Variants in PLEKHG5 observed in about 807,000 individuals in gnomAD.
PLEKHG5 encodes pleckstrin homology domain-containing family G member 5.
PLEKHG5 carries 52 observed loss-of-function variants against 103.8 expected under a neutral mutation model. The ratio of observed to expected loss-of-function variants is 0.50; its 90% CI spans 0.40 to 0.63. PLEKHG5 has a LOEUF of 0.63. Among genes scored for constraint, PLEKHG5 ranks in the 30% least tolerant of loss-of-function variants. The probability of loss-of-function intolerance (pLI) is 0.00; values close to 1 mark genes in which losing one functional copy is unlikely to be tolerated. For missense variants in PLEKHG5, 1,205 were observed against 1,347.6 expected (o/e 0.89, Z 1.66); for synonymous variants, 592 against 575.5 (o/e 1.03, Z -0.41).
At chr1:6,483,578 T>C (rs962808462) in intron 1 of PLEKHG5, among the ~76,000 whole-genome samples, 19 of 152,134 alleles carry the variant, frequency 1.2e-4, no homozygotes, top group African/African-American at 4.3e-4. Context: ...GGTGGGAAGA[T>C]TGCTGGAGCC....
rs957996115 is a variant in PLEKHG5, at chr1:6,490,327, A to C, written c.-88+1310T>G. The C allele has an allele frequency of 8.0e-5, 32 of 399,862 alleles. No homozygotes were observed. Among genetic ancestry groups the C allele is most frequent in the African/African-American group, 1.3e-4 (6 of 44,880 alleles). 24.8% of individuals were successfully genotyped at this position (399,862 alleles called of 1,614,324 possible). On this transcript the variant is annotated intron_variant, in intron 1 of 20. Coordinates refer to ENST00000377728, the MANE Select transcript of PLEKHG5 (RefSeq NM_020631.6). The surrounding 1 kb of genome is among the most constrained non-coding windows in gnomAD (Gnocchi z 8.0). The stretch of plus-strand genomic sequence containing the variant: ...GCTGGTGAGGACCCTGTACCCACCC[A>C]CAGGCCTGGCACTACGTGGGAATCT...
At chr1:6,497,153 T>C, upstream of PLEKHG5, 1 of 1,012,592 alleles carries the variant, frequency 9.9e-7, no homozygotes, top group Non-Finnish European at 1.5e-6. The surrounding 1 kb of genome is among the most constrained non-coding windows in gnomAD (Gnocchi z 6.1). Flanking sequence ...AGCGGGGTGC[T>C]GCCGAGGCAG....
intron 1 of PLEKHG5, among the ~76,000 whole-genome samples, chr1:6,509,439 G>A (rs933315768): frequency 9.9e-5 from 15 of 152,194 alleles, no homozygotes; most frequent in African/African-American, 3.6e-4. Context: ...AGTGAGGGAG[G>A]ACCCAAGCAG....
At chr1:6,471,226 T>C in intron 12 of PLEKHG5, 126 bp from the exon 13 acceptor site, 1 of 847,620 alleles carries the variant, frequency 1.2e-6, no homozygotes, top group South Asian at 1.4e-5. Flanking sequence ...GCAGCAAGCT[T>C]ATGATCCCTG....
intron 5 of PLEKHG5, 133 bp downstream of exon 5, chr1:6,474,914 C>G (rs1202730401): frequency 6.4e-6 from 5 of 776,752 alleles, no homozygotes; most frequent in Non-Finnish European, 1.2e-5. Context: ...ACGGGTCTGC[C>G]CACGCAGGGA....
intron 10 of PLEKHG5, 150 bp downstream of exon 10, chr1:6,472,377 C>A: frequency 1.5e-6 from 1 of 688,770 alleles, no homozygotes; most frequent in Non-Finnish European, 2.6e-6. Flanking sequence ...CTAGGAGGCA[C>A]CTCCTCCCTG....
Position 6,501,798 on chromosome 1 carries a change from C to T in PLEKHG5, c.-164-5229G>A, listed in dbSNP as rs983701368. On this transcript the variant is annotated intron_variant, in intron 1 of 21. Coordinates refer to the PLEKHG5 transcript ENST00000377740. The surrounding 1 kb of genome is among the most constrained non-coding windows in gnomAD (Gnocchi z 4.3). The stretch of plus-strand genomic sequence containing the variant: ...CTGTCTGGAAAACGTGAATTGGTCC[C>T]CCCATCATGACATGAGTGTCCCCTT... 3.3e-5 allele frequency among the ~76,000 whole-genome samples: 5 copies of T among 152,190 alleles called. No individual in the cohort carries two copies. Among genetic ancestry groups the T allele is most frequent in the African/African-American group, 1.2e-4 (5 of 41,458 alleles).
Position 6,472,969 on chromosome 1 carries a change from CTG to C in PLEKHG5, c.984+15_984+16del, listed in dbSNP as rs1644637803. 6.2e-7 allele frequency: 1 copy of C among 1,612,222 alleles called. No individual in the cohort carries two copies. The highest frequency in any genetic ancestry group is 8.5e-7 in the Non-Finnish European group (1 of 1,178,384). On this transcript the variant is annotated intron_variant, in intron 9 of 20. Coordinates refer to ENST00000377728, the MANE Select transcript of PLEKHG5 (RefSeq NM_020631.6). ...CTTTCGGGACAAGGAGGGAGCAGCA[CTG>C]TGGCCCGCACTCACCTCATGCCCAT...
chr1:6,480,068 C>CT (rs1435348842), intron 1 of PLEKHG5, among the ~76,000 whole-genome samples: 1 of 146,916 alleles, frequency 6.8e-6, no homozygotes, highest in Non-Finnish European at 1.5e-5. Flanking sequence ...GCTGGATCCT[C>CT]TGGGGACCTC....
In PLEKHG5 at chr1:6,469,085, T is replaced by C. The variant is rs1460920482; in HGVS notation, c.2206A>G (p.Thr736Ala). The C allele has an allele frequency of 1.2e-6, 2 of 1,613,242 alleles. No individual in the cohort carries two copies. The highest frequency in any genetic ancestry group is 1.7e-5 in the Admixed American group (1 of 59,978). ...CTGCCGCTGCTTTTCCGCATGATGGTAGGGGAGCTGGCAGCTGAAGTGCCA... is the reference window on the plus strand; with the variant it reads ...CTGCCGCTGCTTTTCCGCATGATGGCAGGGGAGCTGGCAGCTGAAGTGCCA... ...DSGTSAASSP[T>A]IMRKSSGSPD... The change falls in exon 19 of 21, where the codon ACC becomes GCC. Residue 736 changes from threonine (T) to alanine (A), a missense_variant. Coordinates refer to ENST00000377728, the MANE Select transcript of PLEKHG5 (RefSeq NM_020631.6).
chr1:6,497,015 C>T, upstream of PLEKHG5: 1 of 1,525,648 alleles, frequency 6.6e-7, no homozygotes, highest in Non-Finnish European at 8.8e-7. The surrounding 1 kb of genome is among the most constrained non-coding windows in gnomAD (Gnocchi z 6.1). Flanking sequence ...GGGCGACCCC[C>T]GTTCCCCAAG....
At position 6,484,455 on chromosome 1, in the gene PLEKHG5, G is replaced by A. The variant is rs545486057; in HGVS notation, c.-87-6797C>T. ...GAACCAGGTGGTTTCCGACTTCGTC[G>A]AGCAGATCTGGTTGACGATGAAGTT... On this transcript the variant is annotated intron_variant, in intron 1 of 20. Transcript: ENST00000377728. Among the ~76,000 whole-genome samples, 5 of 152,320 alleles carry A rather than the reference G, an allele frequency of 3.3e-5. No homozygotes were observed. In the South Asian group the frequency reaches 6.2e-4, roughly 19 times the overall value.
Position 6,467,237 on chromosome 1 carries a change from G to A in PLEKHG5, c.*326C>T. On this transcript the variant is annotated 3_prime_UTR_variant, in exon 21 of 21. Coordinates refer to ENST00000377728, the MANE Select transcript of PLEKHG5 (RefSeq NM_020631.6). ...GACTGGGAAGGTGGGGGCAGGGCAG[G>A]AGTGAATCCCACTGGAGGCCAGTGA... 1.9e-6 allele frequency: 1 copy of A among 526,366 alleles called. No homozygotes were observed. The highest frequency in any genetic ancestry group is 2.0e-5 in the South Asian group (1 of 49,912). 32.6% of individuals were successfully genotyped at this position (526,366 alleles called of 1,614,324 possible).
intron 12 of PLEKHG5, 185 bp downstream of exon 12, chr1:6,471,303 G>T: frequency 2.5e-6 from 2 of 785,356 alleles, no homozygotes; most frequent in Non-Finnish European, 4.1e-6. Context: ...GGGGTAGATG[G>T]TCAGGTGGAG....
intron 10 of PLEKHG5, among the ~76,000 whole-genome samples, chr1:6,472,037 T>G (rs1644607822): frequency 6.6e-6 from 1 of 152,210 alleles, no homozygotes; most frequent in Non-Finnish European, 1.5e-5. Flanking sequence ...CCCTGGTCCC[T>G]CCTGGAGGGA....
chr1:6,471,828 T>C lies in PLEKHG5; in HGVS notation c.1081-20A>G, dbSNP rs752219645. On this transcript the variant is annotated intron_variant, in intron 10 of 20. Coordinates refer to ENST00000377728, the MANE Select transcript of PLEKHG5 (RefSeq NM_020631.6). ...GAACAGCTGTGGGATCAGGGGATGGTGTGACTGGGGTCGGGAGGCTGTCTC... is the reference window on the plus strand; with the variant it reads ...GAACAGCTGTGGGATCAGGGGATGGCGTGACTGGGGTCGGGAGGCTGTCTC... 3.8e-6 allele frequency: 6 copies of C among 1,598,702 alleles called. No individual in the cohort carries two copies. The South Asian group carries it at 6.8e-5, about 18-fold the overall frequency.
At chr1:6,498,831 C>A (rs572112884), upstream of PLEKHG5, among the ~76,000 whole-genome samples, 1 of 152,352 alleles carries the variant, frequency 6.6e-6, no homozygotes, top group South Asian at 2.1e-4. Flanking sequence ...AAGGGGCCAG[C>A]GATGCCTGTC....
chr1:6,496,986 AG>A (rs1477469873), upstream of PLEKHG5: 1 of 1,528,424 alleles, frequency 6.5e-7, no homozygotes, highest in Admixed American at 2.0e-5. Flanking sequence ...TTAGAGACAG[AG>A]GAGCCCCCGA....
chr1:6,495,424 C>T (rs578101294), upstream of PLEKHG5, among the ~76,000 whole-genome samples: 9 of 151,982 alleles, frequency 5.9e-5, no homozygotes, highest in South Asian at 1.7e-3. Flanking sequence ...GGGAGGGGAG[C>T]GGGGGGTGGG....
Sources: gnomAD v4.1 joint callset for allele counts (sites outside exome capture counted in the v4.1 genomes callset) on GRCh38, gnomAD v4.1.1 for gene constraint, Gnocchi (gnomAD v3.1) non-coding constraint, MANE v1.5 for transcripts, NCBI Gene and HGNC (gene_info 2026-07-23, HGNC 2026-07-21) for gene names.